Variants in EMC8 observed in about 807,000 individuals in gnomAD.
The protein encoded by EMC8 is ER membrane protein complex subunit 8, also known as COX4 neighbor.
In EMC8, 11 loss-of-function variants were observed where a neutral mutation model predicts 24.3. The ratio of observed to expected loss-of-function variants is 0.45; its 90% CI spans 0.28 to 0.75. The LOEUF (loss-of-function observed/expected upper bound fraction) is 0.75, where lower values mean the gene tolerates loss of function less well. Ranked by LOEUF, EMC8 falls within the 30% of genes least tolerant of loss-of-function variation. EMC8 has a pLI of 0.12. For synonymous variants in EMC8, 145 were observed against 117.7 expected, an observed-to-expected ratio of 1.23 and a Z score of -1.50; for missense variants, 277 against 282.7, an observed-to-expected ratio of 0.98 and a Z score of 0.14.
intron 2 of EMC8, among the ~76,000 whole-genome samples, chr16:85,786,887 G>A (rs535316463): frequency 2.7e-4 from 41 of 152,282 alleles, no homozygotes; most frequent in African/African-American, 8.9e-4. Context: ...GAGAGCCTGC[G>A]CAGGTCCATG....
intron 2 of EMC8, among the ~76,000 whole-genome samples, chr16:85,785,829 C>A (rs889383179): frequency 1.3e-5 from 2 of 152,130 alleles, no homozygotes; most frequent in Non-Finnish European, 2.9e-5. Flanking sequence ...CCATGTCGGG[C>A]CAGCGTGTAG....
At chr16:85,791,173 C>A (rs1904993840) in intron 1 of EMC8, among the ~76,000 whole-genome samples, 1 of 152,012 alleles carries the variant, frequency 6.6e-6, no homozygotes, top group Non-Finnish European at 1.5e-5. Context: ...GGATTTTTCA[C>A]CATCCATAGA....
rs1337990934 is a variant in EMC8 at position 85,778,795 on chromosome 16, C to G, written c.*913G>C. 3 of 152,142 alleles carry G rather than the reference C, an allele frequency of 2.0e-5. No homozygotes were observed. Among genetic ancestry groups the G allele is most frequent in the African/African-American group, 7.2e-5 (3 of 41,432 alleles). 9.4% of individuals were successfully genotyped at this position (152,142 alleles called of 1,614,324 possible). On this transcript the variant is annotated 3_prime_UTR_variant, in exon 5 of 5. Coordinates refer to ENST00000253457, the MANE Select transcript of EMC8 (RefSeq NM_006067.5). Reference sequence around the variant, plus strand: ...AGTAGGAAAGGTACCGCTCTCTGAACTTTGTACAAAATAATTCATATAAAA... The same window carrying G: ...AGTAGGAAAGGTACCGCTCTCTGAAGTTTGTACAAAATAATTCATATAAAA...
rs756400390 is a variant in EMC8, at chr16:85,789,070, T to C, written c.232-20A>G. ...ATCAATCTGAAAGAGGAACAAAAAT[T>C]GGGAAAAGATGAATGACTCTCCCTT... On this transcript the variant is annotated intron_variant, in intron 1 of 4. Coordinates refer to ENST00000253457, the MANE Select transcript of EMC8 (RefSeq NM_006067.5). 3.2e-6 allele frequency: 5 copies of C among 1,540,010 alleles called. No individual in the cohort carries two copies. Among genetic ancestry groups the C allele is most frequent in the Non-Finnish European group, 4.5e-6 (5 of 1,112,794 alleles).
At chr16:85,788,788 A>G in intron 2 of EMC8, 186 bp downstream of exon 2, 1 of 606,234 alleles carries the variant, frequency 1.6e-6, no homozygotes, top group South Asian at 2.0e-5. Context: ...AGTTAATAGA[A>G]ATGTTTGGAA....
chr16:85,797,432 A>T (rs1347741716), intron 1 of EMC8, among the ~76,000 whole-genome samples: 1 of 152,198 alleles, frequency 6.6e-6, no homozygotes, highest in African/African-American at 2.4e-5. Flanking sequence ...GATGGTTGGA[A>T]AGACCTGGAT....
intron 2 of EMC8, chr16:85,781,736 T>A (rs1904513645): frequency 6.1e-6 from 1 of 165,276 alleles, no homozygotes; most frequent in Non-Finnish European, 1.3e-5. Flanking sequence ...CATGGGCCAC[T>A]GTGCCCAGCC....
At chr16:85,792,009 C>T (rs1905033728) in intron 1 of EMC8, among the ~76,000 whole-genome samples, 1 of 152,172 alleles carries the variant, frequency 6.6e-6, no homozygotes, top group African/African-American at 2.4e-5. Context: ...AACCATAGGA[C>T]ATATTTTTTA....
chr16:85,798,118 T>G (rs1370546763), intron 1 of EMC8, among the ~76,000 whole-genome samples: 2 of 129,722 alleles, frequency 1.5e-5, no homozygotes, highest in South Asian at 2.8e-4. Context: ...AAATTCGTTT[T>G]TTTTTTTTTT....
At chr16:85,798,746 ACT>A (rs1470704668) in intron 1 of EMC8, 3 of 325,664 alleles carry the variant, frequency 9.2e-6, no homozygotes, top group Admixed American at 9.4e-5. Context: ...CTCAAGGGAA[ACT>A]CTGTCGAATC....
intron 2 of EMC8, chr16:85,784,951 T>C (rs1904683622): frequency 6.6e-6 from 1 of 152,246 alleles, no homozygotes; most frequent in Admixed American, 6.5e-5. Flanking sequence ...TCTGTCTTTC[T>C]ATTCACTGAT....
intron 1 of EMC8, among the ~76,000 whole-genome samples, chr16:85,789,767 G>A (rs558762721): frequency 1.3e-3 from 193 of 151,878 alleles, no homozygotes; most frequent in Middle Eastern, 3.4e-3. Context: ...ACTCCAGCCT[G>A]GGTGACAAGA....
rs1309284172 is a variant in EMC8 at position 85,797,126 on chromosome 16, G to A, written c.231+1939C>T. 3.3e-5 allele frequency among the ~76,000 whole-genome samples: 5 copies of A among 152,250 alleles called. 1 individual carries two copies. The highest frequency in any genetic ancestry group is 9.6e-5 in the African/African-American group (4 of 41,462). On this transcript the variant is annotated intron_variant, in intron 1 of 4. Transcript: ENST00000253457. ...ACAGAACAATTAAGATGGTTGGAAA[G>A]GCTGAGCGCAGTGGCTCATGCCTGG...
chr16:85,793,826 T>A (rs938463674), intron 1 of EMC8, among the ~76,000 whole-genome samples: 7 of 152,224 alleles, frequency 4.6e-5, no homozygotes. Context: ...TAACATTTTA[T>A]GGGTTTCTGC....
intron 2 of EMC8, 60 bp from the exon 3 acceptor site, chr16:85,781,340 G>T (rs1480968198): frequency 2.7e-6 from 3 of 1,113,838 alleles, no homozygotes; most frequent in Non-Finnish European, 4.1e-6. Flanking sequence ...TTTACAAAAG[G>T]CACAGTCAAC....
At position 85,780,604 on chromosome 16, in the gene EMC8, T is replaced by C. The variant is rs900566989; in HGVS notation, c.379-131A>G. ...GCAGAGACTCTTCCGACAGAGCCTG[T>C]ATGCAGAGTGGCGCGAGTGTCTGGC... is the stretch of plus-strand genomic sequence containing the variant. On this transcript the variant is annotated intron_variant, in intron 3 of 4. Transcript: ENST00000253457. 5 of 662,390 alleles carry C rather than the reference T, an allele frequency of 7.5e-6. No homozygotes were observed. In the African/African-American group the frequency reaches 8.9e-5, roughly 12 times the overall value. 41.0% of individuals were successfully genotyped at this position (662,390 alleles called of 1,614,324 possible). A position where few individuals can be genotyped will look rare whatever the true frequency, so the allele number is the denominator to read the frequency against.
At chr16:85,797,294 G>T (rs1337703410) in intron 1 of EMC8, among the ~76,000 whole-genome samples, 2 of 152,154 alleles carry the variant, frequency 1.3e-5, no homozygotes, top group Non-Finnish European at 2.9e-5. Context: ...TGAAATCCCA[G>T]CTACCTGGGA....
intron 4 of EMC8, 90 bp from the exon 5 acceptor site, chr16:85,779,957 G>T: frequency 9.4e-7 from 1 of 1,068,300 alleles, no homozygotes; most frequent in Non-Finnish European, 1.4e-6. Flanking sequence ...CACATGCACA[G>T]TGGTATGAAC....
intron 1 of EMC8, among the ~76,000 whole-genome samples, 178 bp from the exon 2 acceptor site, chr16:85,789,228 A>C (rs753884414): frequency 2.0e-5 from 3 of 152,206 alleles, no homozygotes; most frequent in Non-Finnish European, 2.9e-5. Context: ...GAAGGGCAGG[A>C]CTTTGAACAT....
Sources: allele counts gnomAD v4.1 joint callset (sites outside exome capture counted in the v4.1 genomes callset), GRCh38; gene constraint gnomAD v4.1.1; transcripts MANE v1.5; gene names NCBI Gene and HGNC (gene_info 2026-07-23, HGNC 2026-07-21).